Variants in EDARADD observed in about 807,000 individuals in gnomAD.
The protein encoded by EDARADD is ectodysplasin-A receptor-associated adapter protein.
EDARADD carries 20 observed loss-of-function variants against 25.6 expected under a neutral mutation model. That is an observed-to-expected ratio of 0.78 (90% CI 0.55 to 1.14). The LOEUF (loss-of-function observed/expected upper bound fraction) is 1.14, where lower values mean the gene tolerates loss of function less well. Among genes scored for constraint, EDARADD ranks in the 50% most tolerant of loss-of-function variants. The probability of loss-of-function intolerance (pLI) is 0.00; values close to 1 mark genes in which losing one functional copy is unlikely to be tolerated. For synonymous variants in EDARADD, 86 were observed against 94.4 expected, an observed-to-expected ratio of 0.91 and a Z score of 0.52; for missense variants, 225 against 270.1, an observed-to-expected ratio of 0.83 and a Z score of 1.17.
Position 236,395,489 on chromosome 1 carries a change from G to C in EDARADD, c.61+984G>C, listed in dbSNP as rs1667498659. ...GAAGAAGGGAGGGGAAGGCGGAGGA[G>C]GGCAGGGGCGCGCAGAGCCACGGTT... On this transcript the variant is annotated intron_variant, in intron 1 of 5. Transcript: ENST00000334232. The surrounding 1 kb of genome is among the most constrained non-coding windows in gnomAD (Gnocchi z 6.9). 2.6e-6 allele frequency: 4 copies of C among 1,520,600 alleles called. No individual in the cohort carries two copies. The highest frequency in any genetic ancestry group is 3.5e-6 in the Non-Finnish European group (4 of 1,137,858). 94.2% of individuals were successfully genotyped at this position (1,520,600 alleles called of 1,614,324 possible).
At chr1:236,428,654 G>T (rs991258906) in intron 4 of EDARADD, among the ~76,000 whole-genome samples, 2 of 134,326 alleles carry the variant, frequency 1.5e-5, no homozygotes, top group Non-Finnish European at 3.3e-5. Flanking sequence ...TCCTAGACGG[G>T]ATGGCGGCCG....
rs143891636 is a variant in EDARADD at position 236,482,458 on chromosome 1, T to C, written c.457T>C (p.Leu153=). ...CAAATGGGGGATGTCCTATGACGAATTGTGCTTCCTGGAGCAGAGGCCACA... is the reference window on the plus strand; with the variant it reads ...CAAATGGGGGATGTCCTATGACGAACTGTGCTTCCTGGAGCAGAGGCCACA... ...ASKWGMSYDE[L]CFLEQRPQSP... The change falls in exon 6 of 6, where the codon TTG becomes CTG. Residue 153 remains leucine (L), a synonymous_variant. Transcript: ENST00000334232. 8 of 1,614,194 alleles carry C rather than the reference T, an allele frequency of 5.0e-6. No homozygotes were observed. The highest frequency in any genetic ancestry group is 4.5e-5 in the East Asian group (2 of 44,880).
chr1:236,378,684 T>A (rs926753279), intron 3 of EDARADD, among the ~76,000 whole-genome samples: 1 of 152,230 alleles, frequency 6.6e-6, no homozygotes, highest in Non-Finnish European at 1.5e-5. Context: ...TATTTTATTG[T>A]TGAATTGATA....
intron 5 of EDARADD, among the ~76,000 whole-genome samples, chr1:236,479,425 G>T (rs1361531651): frequency 2.0e-5 from 3 of 151,092 alleles, no homozygotes; most frequent in Middle Eastern, 3.2e-3. Flanking sequence ...AGCCTAGGAG[G>T]TTAAGGCGGC....
At chr1:236,441,677 C>T (rs896096897) in intron 4 of EDARADD, among the ~76,000 whole-genome samples, 31 of 151,806 alleles carry the variant, frequency 2.0e-4, no homozygotes, top group Admixed American at 1.1e-3. Context: ...GCACCCCTCC[C>T]GCCCACCACA....
chr1:236,354,881 T>C (rs933498579), intron 3 of EDARADD, among the ~76,000 whole-genome samples: 1 of 152,230 alleles, frequency 6.6e-6, no homozygotes, highest in East Asian at 1.9e-4. Flanking sequence ...ATTACATATA[T>C]GTGTAGCCAT....
At chr1:236,480,411 T>A (rs1045698346) in intron 5 of EDARADD, among the ~76,000 whole-genome samples, 2 of 152,112 alleles carry the variant, frequency 1.3e-5, no homozygotes, top group Non-Finnish European at 2.9e-5. Context: ...ATTATCTCCT[T>A]AGGGTGGATT....
At chr1:236,419,618 C>T (rs1052480048) in intron 3 of EDARADD, among the ~76,000 whole-genome samples, 1 of 152,082 alleles carries the variant, frequency 6.6e-6, no homozygotes, top group African/African-American at 2.4e-5. Context: ...GAGATTCCAA[C>T]TAAGGCGGTC....
chr1:236,475,313 C>G (rs1234846912), intron 5 of EDARADD, among the ~76,000 whole-genome samples: 1 of 152,168 alleles, frequency 6.6e-6, no homozygotes, highest in African/African-American at 2.4e-5. Flanking sequence ...TATAGCAGGA[C>G]AAAATGTATT....
intron 3 of EDARADD, among the ~76,000 whole-genome samples, chr1:236,358,996 G>A (rs187686637): frequency 1.3e-5 from 2 of 152,258 alleles, no homozygotes; most frequent in Non-Finnish European, 2.9e-5. Context: ...ATATTATTGT[G>A]TGGGAGTCTA....
chr1:236,419,589 G>A (rs151203319), intron 3 of EDARADD, among the ~76,000 whole-genome samples: 227 of 152,262 alleles, frequency 1.5e-3, no homozygotes, highest in African/African-American at 5.3e-3. Context: ...TGTCAACAAC[G>A]CAGACTTCTG....
intron 4 of EDARADD, among the ~76,000 whole-genome samples, chr1:236,459,861 G>A (rs888191009): frequency 3.3e-5 from 5 of 151,922 alleles, no homozygotes; most frequent in East Asian, 1.9e-4. Context: ...TGATCCACCC[G>A]CCTCAGCATC....
upstream of EDARADD, among the ~76,000 whole-genome samples, chr1:236,392,491 A>AT (rs10649367): frequency 0.077 from 10,697 of 139,480 alleles, 847 homozygotes; most frequent in African/African-American, 0.19. Flanking sequence ...TGCTCAGCTA[A>AT]TTTTTTTTTT....
At chr1:236,420,564 G>C (rs1657757325) in intron 3 of EDARADD, among the ~76,000 whole-genome samples, 1 of 152,174 alleles carries the variant, frequency 6.6e-6, no homozygotes, top group Non-Finnish European at 1.5e-5. Flanking sequence ...TGAATTTCAA[G>C]TTCCTTTGCT....
intron 3 of EDARADD, among the ~76,000 whole-genome samples, chr1:236,381,800 G>GTTTTTTTTTT (rs1558105353): frequency 2.4e-4 from 4 of 16,900 alleles, no homozygotes; most frequent in Admixed American, 8.0e-4. Context: ...TCCTGTGGTT[G>GTTTTTTTTTT]CTTTTTTTTT....
chr1:236,418,909 C>A (rs886633592), intron 3 of EDARADD, among the ~76,000 whole-genome samples: 3 of 152,184 alleles, frequency 2.0e-5, no homozygotes. Context: ...CCCGCCCCCG[C>A]TCCCCAAGCC....
intron 3 of EDARADD, among the ~76,000 whole-genome samples, chr1:236,362,421 C>T (rs1260948728): frequency 3.9e-5 from 6 of 152,072 alleles, no homozygotes; most frequent in Non-Finnish European, 4.4e-5. Context: ...TCAAGTTTTG[C>T]GAGATATTTA....
At chr1:236,368,440 CTTT>C (rs59201705) in intron 3 of EDARADD, among the ~76,000 whole-genome samples, 1 of 124,172 alleles carries the variant, frequency 8.1e-6, no homozygotes, top group Non-Finnish European at 1.6e-5. Context: ...CCAGTCTTTT[CTTT>C]TTTTTTTTTT....
chr1:236,418,521 A>T (rs566766733), intron 3 of EDARADD, among the ~76,000 whole-genome samples: 3 of 152,238 alleles, frequency 2.0e-5, no homozygotes, highest in Non-Finnish European at 4.4e-5. Flanking sequence ...TTGGGATTAC[A>T]GGCGTGAGCC....
Sources: allele counts gnomAD v4.1 joint callset (sites outside exome capture counted in the v4.1 genomes callset), GRCh38; gene constraint gnomAD v4.1.1; non-coding constraint Gnocchi (gnomAD v3.1); transcripts MANE v1.5; gene names NCBI Gene and HGNC (gene_info 2026-07-23, HGNC 2026-07-21).